PDPR: variants seen among roughly 807,000 people sequenced by gnomAD.
PDPR encodes the protein pyruvate dehydrogenase phosphatase regulatory subunit.
PDPR carries 50 observed loss-of-function variants against 102.2 expected under a neutral mutation model. The observed-to-expected ratio is 0.49, with a 90% CI of 0.39 to 0.62. PDPR has a LOEUF of 0.62. Ranked by LOEUF, PDPR falls within the 20% of genes least tolerant of loss-of-function variation. The pLI is 0.00. For missense variants in PDPR, 625 were observed against 1,098.2 expected, an observed-to-expected ratio of 0.57 and a Z score of 6.09; for synonymous variants, 259 against 406.0, an observed-to-expected ratio of 0.64 and a Z score of 4.35.
At chr16:70,123,192 G>A (rs1236094010) in intron 3 of PDPR, among the ~76,000 whole-genome samples, 4 of 152,328 alleles carry the variant, frequency 2.6e-5, no homozygotes, top group African/African-American at 7.2e-5. Context: ...ATGAGCCACC[G>A]TGCCCGGCCC....
At chr16:70,126,316 ATCT>A (rs1367820385) in intron 3 of PDPR, among the ~76,000 whole-genome samples, 6 of 152,244 alleles carry the variant, frequency 3.9e-5, no homozygotes, top group Admixed American at 2.0e-4. Context: ...GGATCAAGGG[ATCT>A]TCTTGCCTCA....
intron 15 of PDPR, among the ~76,000 whole-genome samples, chr16:70,145,225 C>T (rs1966132220): frequency 2.0e-5 from 3 of 152,236 alleles, no homozygotes; most frequent in Admixed American, 6.5e-5. Context: ...TGCACCTCCA[C>T]CTCCCGGGTT....
rs1967341040 is a variant in PDPR at position 70,157,389 on chromosome 16, T to C, written c.*510T>C. 9 of 363,266 alleles carry C rather than the reference T, an allele frequency of 2.5e-5. No individual in the cohort carries two copies. The highest frequency in any genetic ancestry group is 1.7e-4 in the South Asian group (8 of 47,990). 22.5% of individuals were successfully genotyped at this position (363,266 alleles called of 1,614,324 possible). A position where few individuals can be genotyped will look rare whatever the true frequency, so the allele number is the denominator to read the frequency against. ...GGCAGCTCGTTCTCCTGTTCTGCTG[T>C]GCTGTGGGCTGGCACTCGATACCTC... is the stretch of plus-strand genomic sequence containing the variant. On this transcript the variant is annotated 3_prime_UTR_variant, in exon 19 of 19. Transcript: ENST00000288050.
At chr16:70,163,104 A>G (rs1327601844), downstream of PDPR, among the ~76,000 whole-genome samples, 12 of 152,356 alleles carry the variant, frequency 7.9e-5, no homozygotes, top group African/African-American at 2.6e-4. Context: ...ACGCGCCACC[A>G]TGCCCAGCTA....
At position 70,130,884 on chromosome 16, in the gene PDPR, T is replaced by C. The variant is rs374638436; in HGVS notation, c.729+340T>C. Among the ~76,000 whole-genome samples the C allele has an allele frequency of 5.2e-4, 79 of 152,398 alleles. No individual in the cohort carries two copies. The East Asian group carries it at 6.4e-3, about 12-fold the overall frequency. ...AGGCTATTTTATTGTGTCAGGAATGTGGACACTAATTTCCAGGACACTGCT... is the reference window on the plus strand; with the variant it reads ...AGGCTATTTTATTGTGTCAGGAATGCGGACACTAATTTCCAGGACACTGCT... On this transcript the variant is annotated intron_variant, in intron 7 of 18. Transcript: ENST00000288050.
intron 16 of PDPR, 44 bp from the exon 17 acceptor site, chr16:70,148,420 A>T (rs1477891857): frequency 1.5e-6 from 2 of 1,376,642 alleles, no homozygotes; most frequent in African/African-American, 1.4e-5. Flanking sequence ...TCCCTTGACA[A>T]GTAATGTGAG....
At chr16:70,138,554 A>C (rs992172256) in intron 10 of PDPR, among the ~76,000 whole-genome samples, 7 of 150,908 alleles carry the variant, frequency 4.6e-5, no homozygotes, top group Admixed American at 1.3e-4. Flanking sequence ...GGGTCTTACT[A>C]TGTTGCCCAG....
chr16:70,138,207 ATTTTTTTTTTTTTTTTTTTTTTTT>A (rs1201065640), intron 10 of PDPR, among the ~76,000 whole-genome samples: 1 of 94,048 alleles, frequency 1.1e-5, no homozygotes, highest in Non-Finnish European at 2.0e-5. Flanking sequence ...ACGCCGGCTA[ATTTTTTTTTTTTTTTTTTTTTTTT>A]TTTTGAGTTG....
intron 10 of PDPR, among the ~76,000 whole-genome samples, chr16:70,136,759 T>C (rs930684825): frequency 3.3e-5 from 5 of 152,224 alleles, no homozygotes; most frequent in African/African-American, 9.6e-5. Context: ...TTTGTTTGTT[T>C]TTTTAGACAG....
chr16:70,116,356 T>C (rs1597280526), intron 2 of PDPR, among the ~76,000 whole-genome samples: 1 of 135,172 alleles, frequency 7.4e-6, no homozygotes, highest in African/African-American at 2.7e-5. Context: ...GGATTACAGG[T>C]GTGAGCCCCT....
intron 2 of PDPR, among the ~76,000 whole-genome samples, chr16:70,116,559 T>A (rs1962657152): frequency 6.9e-6 from 1 of 144,852 alleles, no homozygotes; most frequent in Admixed American, 6.9e-5. Context: ...AAAAAAAAAT[T>A]AAAAAAATTA....
At chr16:70,122,844 TATACACAC>T (rs567878494) in intron 3 of PDPR, among the ~76,000 whole-genome samples, 369 of 70,958 alleles carry the variant, frequency 5.2e-3, no homozygotes, top group African/African-American at 0.016. Flanking sequence ...TATATATCTG[TATACACAC>T]ATACACACAC....
rs561256261 is a variant in PDPR at position 70,161,059 on chromosome 16, A to G, written c.*4180A>G. ...GGGGTTAGCTACAAGATTCAGCTTT[A>G]TATCTCTGTTGCTTCTTGGCCAGTG... On this transcript the variant is annotated 3_prime_UTR_variant, in exon 19 of 19. Transcript: ENST00000288050. 6.5e-6 allele frequency: 1 copy of G among 152,772 alleles called. No homozygotes were observed. The highest frequency in any genetic ancestry group is 2.1e-4 in the South Asian group (1 of 4,830). The allele number at this position is 152,772 out of a possible 1,614,324, so 9.5% of individuals were successfully genotyped here.
At chr16:70,125,391 CAAAA>C (rs1555521452) in intron 3 of PDPR, among the ~76,000 whole-genome samples, 2 of 144,996 alleles carry the variant, frequency 1.4e-5, no homozygotes, top group Non-Finnish European at 3.0e-5. Flanking sequence ...AACAAACAAA[CAAAA>C]AAACAAAAAT....
chr16:70,156,478 A>T lies in PDPR; in HGVS notation c.2239A>T (p.Met747Leu), dbSNP rs769477002. The change falls in exon 19 of 19, where the codon ATG (methionine) becomes TTG (leucine). Residue 747 changes from methionine to leucine, a missense_variant. Physicochemically the swap from Met to Leu is conservative, Grantham distance 15. Around this residue, in one of 11 missense-constraint regions of PDPR, gnomAD observed 303 missense variants for 258.9 expected, o/e 1.17. Transcript: ENST00000288050. ...RESRVKLEKG[M>L]DFIGRDALLQ... The stretch of plus-strand genomic sequence containing the variant: ...CGGCGTTTCCTTTCTTTCTTAGGGC[A>T]TGGATTTCATTGGTCGCGACGCCCT... 1 of 1,610,550 alleles carries T rather than the reference A, an allele frequency of 6.2e-7. No individual in the cohort carries two copies.
intron 2 of PDPR, 193 bp from the exon 3 acceptor site, chr16:70,120,268 T>G (rs1163656477): frequency 6.2e-6 from 3 of 482,724 alleles, no homozygotes; most frequent in Non-Finnish European, 1.1e-5. Flanking sequence ...GCCAGGATGG[T>G]CTCGATCTCC....
chr16:70,154,932 C>A (rs534784293), intron 18 of PDPR, among the ~76,000 whole-genome samples: 2 of 152,366 alleles, frequency 1.3e-5, no homozygotes, highest in East Asian at 3.9e-4. Context: ...AGACAGCACA[C>A]CCGGCCTAAT....
intron 10 of PDPR, among the ~76,000 whole-genome samples, chr16:70,138,610 C>T (rs555530730): frequency 1.3e-5 from 2 of 152,348 alleles, no homozygotes; most frequent in South Asian, 4.1e-4. Flanking sequence ...GCCTCAGCCT[C>T]CCAAAGTTCT....
intron 9 of PDPR, among the ~76,000 whole-genome samples, chr16:70,135,386 A>G (rs1424193257): frequency 3.5e-4 from 53 of 152,334 alleles, no homozygotes; most frequent in Admixed American, 2.4e-3. Context: ...ACAGGCTTCC[A>G]CCATCACGAC....
Sources: allele counts gnomAD v4.1 joint callset (sites outside exome capture counted in the v4.1 genomes callset), GRCh38; gene constraint gnomAD v4.1.1; regional missense constraint gnomAD v4.1.1; transcripts MANE v1.5; gene names NCBI Gene and HGNC (gene_info 2026-07-23, HGNC 2026-07-21).